COL6A3: variants seen among roughly 807,000 people sequenced by gnomAD.
The protein encoded by COL6A3 is collagen alpha-3(VI) chain.
Under a neutral mutation model 274.1 loss-of-function variants are expected in COL6A3, and 137 were observed. That is an observed-to-expected ratio of 0.50 (90% CI 0.44 to 0.58). The LOEUF (loss-of-function observed/expected upper bound fraction) is 0.58. Ranked by LOEUF, COL6A3 falls within the 20% of genes least tolerant of loss-of-function variation. The pLI is 0.00. For synonymous variants in COL6A3, 1,650 were observed against 1,650.6 expected, an observed-to-expected ratio of 1.00 and a Z score of 0.01; for missense variants, 3,950 against 4,124.9, an observed-to-expected ratio of 0.96 and a Z score of 1.16.
chr2:237,380,709 T>C (rs985748132), intron 5 of COL6A3, among the ~76,000 whole-genome samples: 2 of 152,232 alleles, frequency 1.3e-5, no homozygotes, highest in Non-Finnish European at 2.9e-5. Flanking sequence ...ATATGGTTCT[T>C]ATATGAAATT....
chr2:237,359,940 C>G, intron 17 of COL6A3, 148 bp downstream of exon 17: 1 of 797,828 alleles, frequency 1.3e-6, no homozygotes, highest in South Asian at 1.5e-5. Flanking sequence ...CCACCCTGCT[C>G]AGAACTGCCT....
chr2:237,377,366 A>T, intron 6 of COL6A3, 22 bp from the exon 7 acceptor site: 1 of 1,598,192 alleles, frequency 6.3e-7, no homozygotes, highest in Non-Finnish European at 8.5e-7. Context: ...GTAGATTAGG[A>T]TACAATGAGG....
At chr2:237,405,866 G>C (rs1429828525) in intron 1 of COL6A3, among the ~76,000 whole-genome samples, 1 of 151,986 alleles carries the variant, frequency 6.6e-6, no homozygotes, top group Non-Finnish European at 1.5e-5. Context: ...GAAGTCGGCT[G>C]TCTACTATCA....
chr2:237,359,825 C>T (rs372723880), intron 17 of COL6A3, among the ~76,000 whole-genome samples: 1 of 152,204 alleles, frequency 6.6e-6, no homozygotes, highest in African/African-American at 2.4e-5. Flanking sequence ...TCCGCCCTGG[C>T]CCATGTTCTC....
chr2:237,352,472 A>T (rs1559217644), intron 26 of COL6A3, 50 bp downstream of exon 26: 1 of 1,546,858 alleles, frequency 6.5e-7, no homozygotes, highest in Non-Finnish European at 8.9e-7. Flanking sequence ...CTGCTTGGCA[A>T]TGTGCCCTCT....
At chr2:237,346,024 G>A (rs890139154) in intron 32 of COL6A3, among the ~76,000 whole-genome samples, 2 of 152,190 alleles carry the variant, frequency 1.3e-5, no homozygotes, top group African/African-American at 2.4e-5. Context: ...AAGAGGTTTG[G>A]AAGGGCTGTG....
At chr2:237,349,154 A>G (rs914603942) in intron 28 of COL6A3, among the ~76,000 whole-genome samples, 3 of 112,488 alleles carry the variant, frequency 2.7e-5, no homozygotes, top group Non-Finnish European at 5.5e-5. Context: ...CCTTTCCAAC[A>G]CCTCCCCCCA....
At chr2:237,402,483 A>C (rs1379368626) in intron 1 of COL6A3, among the ~76,000 whole-genome samples, 1 of 152,180 alleles carries the variant, frequency 6.6e-6, no homozygotes, top group Non-Finnish European at 1.5e-5. Flanking sequence ...TCAATTTAAC[A>C]GGAATGATGT....
intron 1 of COL6A3, among the ~76,000 whole-genome samples, chr2:237,400,679 A>C (rs1006387211): frequency 6.6e-6 from 1 of 152,136 alleles, no homozygotes; most frequent in Non-Finnish European, 1.5e-5. Context: ...AATTCTTCCA[A>C]ACACTTAAGG....
At chr2:237,386,236 T>A (rs1464609259) in intron 4 of COL6A3, among the ~76,000 whole-genome samples, 2 of 152,206 alleles carry the variant, frequency 1.3e-5, no homozygotes, top group African/African-American at 4.8e-5. Flanking sequence ...GAACTAATGA[T>A]TAGCAAGGCA....
In COL6A3 at chr2:237,344,219, G is replaced by A; in HGVS notation, c.7668+131C>T. On this transcript the variant is annotated intron_variant, in intron 36 of 43. Transcript: ENST00000295550. The surrounding 1 kb of genome is among the most constrained non-coding windows in gnomAD (Gnocchi z 4.8). ...GAGACCTCACAAGAGAAGTTCTCAG[G>A]CAGATGGCCTCATTGGGGACGTTTT... The A allele has an allele frequency of 3.6e-6, 5 of 1,381,846 alleles. No homozygotes were observed. Among genetic ancestry groups the A allele is most frequent in the Non-Finnish European group, 5.1e-6 (5 of 978,914 alleles). 85.6% of individuals were successfully genotyped at this position (1,381,846 alleles called of 1,614,324 possible).
chr2:237,370,603 G>T (rs2077664169), intron 9 of COL6A3, among the ~76,000 whole-genome samples: 1 of 152,180 alleles, frequency 6.6e-6, no homozygotes, highest in African/African-American at 2.4e-5. Flanking sequence ...TTTCCTATTA[G>T]TTAGAATTTT....
At chr2:237,405,015 A>G (rs1251478909) in intron 1 of COL6A3, among the ~76,000 whole-genome samples, 1 of 152,174 alleles carries the variant, frequency 6.6e-6, no homozygotes, top group Non-Finnish European at 1.5e-5. Context: ...TACACTGTGC[A>G]CAGGAATTAT....
At chr2:237,328,634 T>G (rs1365656288) in intron 42 of COL6A3, 1 of 152,202 alleles carries the variant, frequency 6.6e-6, no homozygotes, top group Non-Finnish European at 1.5e-5. Flanking sequence ...AACTTTATAA[T>G]CAGCAAAAAA....
rs794727598 is a variant in COL6A3, at chr2:237,342,124, G to A, written c.7706C>T (p.Pro2569Leu). 6.2e-7 allele frequency: 1 copy of A among 1,614,246 alleles called. No homozygotes were observed. The highest frequency in any genetic ancestry group is 8.5e-7 in the Non-Finnish European group (1 of 1,180,046). The change falls in exon 37 of 44, where the codon CCT (proline) becomes CTT (leucine). Residue 2569 changes from proline to leucine, a missense_variant. Coordinates refer to ENST00000295550, the MANE Select transcript of COL6A3 (RefSeq NM_004369.4). Reference sequence around the variant, plus strand: ...GAAGTCTGTGAGGTCTCTCCCTGCAGGCAGGACAAGCGCATGCCCCACTGC... The same window carrying A: ...GAAGTCTGTGAGGTCTCTCCCTGCAAGCAGGACAAGCGCATGCCCCACTGC... ...NTAVGHALVLPAGRDLTDFLE... is the reference protein window; with the variant it reads ...NTAVGHALVLLAGRDLTDFLE...
At chr2:237,377,757 A>AG (rs1376943882) in intron 6 of COL6A3, among the ~76,000 whole-genome samples, 26 of 146,772 alleles carry the variant, frequency 1.8e-4, no homozygotes, top group Non-Finnish European at 3.0e-4. Context: ...AGAAAAAAAA[A>AG]GGGGGGGCTG....
chr2:237,326,541 A>G (rs569530471), intron 42 of COL6A3: 13 of 152,346 alleles, frequency 8.5e-5, no homozygotes, highest in Admixed American at 5.2e-4. Flanking sequence ...ACTCCTGTTT[A>G]CAGAGTTTTC....
rs80074272 is a variant in COL6A3, at chr2:237,407,739, C to T, written c.-31+6214G>A. 0.018 allele frequency among the ~76,000 whole-genome samples: 2,769 copies of T among 152,296 alleles called. 66 individuals are homozygous for T. The highest frequency in any genetic ancestry group is 0.05 in the African/African-American group (2,075 of 41,552). On this transcript the variant is annotated intron_variant, in intron 1 of 43. Transcript: ENST00000295550. This position sits in a 1 kb window ranked among gnomAD's most constrained non-coding sequence, Gnocchi z 4.3. ...GTGTGATTTGAAAAGCTAGACGCCA[C>T]CATGCAAATGTAAAACACATTCCAC... is the stretch of plus-strand genomic sequence containing the variant.
intron 31 of COL6A3, among the ~76,000 whole-genome samples, chr2:237,347,081 C>T (rs567627773): frequency 1.3e-5 from 2 of 152,032 alleles, no homozygotes; most frequent in African/African-American, 4.8e-5. Context: ...TAATTGAAGA[C>T]TCTGCCATTT....
Sources: gnomAD v4.1 joint callset for allele counts (sites outside exome capture counted in the v4.1 genomes callset) on GRCh38, gnomAD v4.1.1 for gene constraint, Gnocchi (gnomAD v3.1) non-coding constraint, MANE v1.5 for transcripts, NCBI Gene and HGNC (gene_info 2026-07-23, HGNC 2026-07-21) for gene names.